The following NHS variants were observed in gnomAD, a reference collection of about 807,000 sequenced individuals.
NHS encodes actin remodeling regulator NHS.
Under a neutral mutation model 72.5 loss-of-function variants are expected in NHS, and 5 were observed. That is an observed-to-expected ratio of 0.07 (90% CI 0.04 to 0.14). The LOEUF is 0.14. Among genes scored for constraint, NHS ranks in the 10% least tolerant of loss-of-function variants. The pLI, the probability that NHS is intolerant of heterozygous loss-of-function variation, is 1.00. For missense variants in NHS, 1,072 were observed against 1,355.7 expected, an observed-to-expected ratio of 0.79 and a Z score of 3.29; for synonymous variants, 464 against 547.7, an observed-to-expected ratio of 0.85 and a Z score of 2.13.
chrX:17,638,882 T>C (rs2065865071), intron 1 of NHS, among the ~76,000 whole-genome samples: 1 of 111,676 alleles, frequency 9.0e-6, no homozygotes, highest in African/African-American at 3.3e-5. Flanking sequence ...GTGGGTATCC[T>C]TTCTGGATCA....
chrX:17,698,673 C>T, intron 3 of NHS, among the ~76,000 whole-genome samples: 1 of 111,585 alleles, frequency 9.0e-6, no homozygotes, highest in East Asian at 2.8e-4. Context: ...ATTATTGATT[C>T]AAAAATACTA....
intron 1 of NHS, among the ~76,000 whole-genome samples, chrX:17,482,844 C>A (rs1380431897): frequency 8.9e-6 from 1 of 112,162 alleles, no homozygotes; most frequent in Non-Finnish European, 1.9e-5. Context: ...TTTTAATTGA[C>A]AAATAATACT....
At chrX:17,476,817 G>A (rs184681236) in intron 1 of NHS, among the ~76,000 whole-genome samples, 77 of 111,993 alleles carry the variant, frequency 6.9e-4, no homozygotes, top group South Asian at 1.1e-3. Context: ...TCGTGCATGG[G>A]CAGAGTGACC....
chrX:17,476,599 TG>T (rs748022869), intron 1 of NHS, among the ~76,000 whole-genome samples: 83 of 110,840 alleles, frequency 7.5e-4, no homozygotes, highest in Middle Eastern at 4.7e-3. Context: ...GGTGTGTGTG[TG>T]GGGGTAACAC....
At chrX:17,427,190 T>A in intron 1 of NHS, among the ~76,000 whole-genome samples, 2 of 111,328 alleles carry the variant, frequency 1.8e-5, no homozygotes, top group Middle Eastern at 9.2e-3. Flanking sequence ...AGAGGTGTGG[T>A]GTGGGTTTTT....
Position 17,719,031 on chromosome X carries a change from AAAG to A in NHS, c.853-309_853-307del, listed in dbSNP as rs758904747. On this transcript the variant is annotated intron_variant, in intron 3 of 8. Coordinates refer to ENST00000676302, the MANE Select transcript of NHS (RefSeq NM_001291867.2). ...AGAAGAAAGGAAGGAAGAAAAAAGGAAAGAAGGAGGGAGGGAAGGAAGGAAGGG... is the reference window on the plus strand; with the variant it reads ...AGAAGAAAGGAAGGAAGAAAAAAGGAAAGGAGGGAGGGAAGGAAGGAAGGG... Among the ~76,000 whole-genome samples the A allele has an allele frequency of 7.3e-4, 68 of 93,618 alleles. 1 individual carries two copies. The highest frequency in any genetic ancestry group is 6.4e-3 in the Middle Eastern group (1 of 156). 81.3% of individuals were successfully genotyped at this position (93,618 alleles called of 115,157 possible).
At chrX:17,390,947 G>A (rs2064441973) in intron 1 of NHS, among the ~76,000 whole-genome samples, 1 of 112,023 alleles carries the variant, frequency 8.9e-6, no homozygotes, top group Non-Finnish European at 1.9e-5. Context: ...AGGCTGTTAA[G>A]AATATTGGCT....
At chrX:17,450,317 C>A (rs2064800040) in intron 1 of NHS, among the ~76,000 whole-genome samples, 1 of 112,018 alleles carries the variant, frequency 8.9e-6, no homozygotes, top group Admixed American at 9.4e-5. Context: ...CCCTCTCCCC[C>A]AGAGCTGTAA....
intron 1 of NHS, among the ~76,000 whole-genome samples, chrX:17,581,168 A>G (rs1023801454): frequency 8.9e-6 from 1 of 111,950 alleles, no homozygotes. Flanking sequence ...GGTAACTCCA[A>G]TATCCCTCTT....
chrX:17,574,503 G>A (rs12688177), intron 1 of NHS, among the ~76,000 whole-genome samples: 33,868 of 111,508 alleles, frequency 0.3, 3,851 homozygotes, highest in East Asian at 0.71. Flanking sequence ...GGGACCCACC[G>A]AGCCAGACAG....
At chrX:17,731,661 C>A (rs2066487808) in intron 8 of NHS, among the ~76,000 whole-genome samples, 197 bp from the exon 9 acceptor site, 1 of 111,578 alleles carries the variant, frequency 9.0e-6, no homozygotes, top group Non-Finnish European at 1.9e-5. Context: ...CAGAGAATTT[C>A]TCTCAGACTG....
chrX:17,614,256 A>G (rs976420161), intron 1 of NHS, among the ~76,000 whole-genome samples: 4 of 112,511 alleles, frequency 3.6e-5, no homozygotes, highest in Non-Finnish European at 5.6e-5. Flanking sequence ...AGCTCCTCAC[A>G]TGGTCAGCAG....
chrX:17,660,631 A>G (rs1300888738), intron 1 of NHS, among the ~76,000 whole-genome samples: 2 of 112,196 alleles, frequency 1.8e-5, no homozygotes, highest in Non-Finnish European at 3.8e-5. Context: ...CCCTCTCCAC[A>G]TAGTCTTTCC....
intron 1 of NHS, among the ~76,000 whole-genome samples, chrX:17,452,696 A>G (rs2064810661): frequency 9.0e-6 from 1 of 111,613 alleles, no homozygotes; most frequent in Admixed American, 9.5e-5. Context: ...ATTATTTTCA[A>G]GCCACATCAT....
At chrX:17,615,613 CA>C (rs1032762016) in intron 1 of NHS, among the ~76,000 whole-genome samples, 1 of 110,424 alleles carries the variant, frequency 9.1e-6, no homozygotes. Flanking sequence ...TCCTCTCCTC[CA>C]AAACCACACT....
intron 1 of NHS, among the ~76,000 whole-genome samples, chrX:17,676,549 T>C (rs1283682898): frequency 1.8e-5 from 2 of 112,861 alleles, no homozygotes; most frequent in Non-Finnish European, 3.7e-5. Context: ...CCCATAACTA[T>C]TTGTTTCGCT....
chrX:17,453,015 G>A (rs1352974524), intron 1 of NHS, among the ~76,000 whole-genome samples: 2 of 112,130 alleles, frequency 1.8e-5, no homozygotes, highest in Non-Finnish European at 3.8e-5. Flanking sequence ...GCGGTCCCTG[G>A]ATCCCTTGCT....
chrX:17,387,323 T>G (rs1029414314), intron 1 of NHS, among the ~76,000 whole-genome samples: 2 of 112,167 alleles, frequency 1.8e-5, no homozygotes, highest in African/African-American at 6.5e-5. Flanking sequence ...GAGGTTAATC[T>G]GGCTCAAACT....
intron 1 of NHS, among the ~76,000 whole-genome samples, chrX:17,564,223 A>G (rs2065429989): frequency 1.8e-5 from 2 of 112,137 alleles, no homozygotes; most frequent in African/African-American, 6.5e-5. Flanking sequence ...CACCTAGACC[A>G]GGTCTTGGCC....
Sources: allele counts gnomAD v4.1 joint callset (sites outside exome capture counted in the v4.1 genomes callset), GRCh38; gene constraint gnomAD v4.1.1; transcripts MANE v1.5; gene names NCBI Gene and HGNC (gene_info 2026-07-23, HGNC 2026-07-21).